Variants in CLOCK observed in about 807,000 individuals in gnomAD.
CLOCK encodes the protein clock circadian regulator.
In CLOCK, 43 loss-of-function variants were observed where a neutral mutation model predicts 118.4. The ratio of observed to expected loss-of-function variants is 0.36; its 90% CI spans 0.28 to 0.47. The LOEUF is 0.47. Among genes scored for constraint, CLOCK ranks in the 20% least tolerant of loss-of-function variants. The pLI is 1.00. For missense variants in CLOCK, 846 were observed against 999.9 expected, an observed-to-expected ratio of 0.85 and a Z score of 2.08; for synonymous variants, 326 against 339.2, an observed-to-expected ratio of 0.96 and a Z score of 0.43.
At chr4:55,465,815 G>T (rs1295550459) in intron 8 of CLOCK, among the ~76,000 whole-genome samples, 1 of 152,068 alleles carries the variant, frequency 6.6e-6, no homozygotes, top group Non-Finnish European at 1.5e-5. Flanking sequence ...AGCTGGGCAT[G>T]GTGGTGTGCA....
chr4:55,450,346 G>T (rs1724318756), intron 15 of CLOCK, 114 bp from the exon 16 acceptor site: 3 of 1,121,002 alleles, frequency 2.7e-6, no homozygotes, highest in Non-Finnish European at 4.0e-6. Context: ...CAAGGCAAAA[G>T]TACCTGTATG....
intron 7 of CLOCK, among the ~76,000 whole-genome samples, chr4:55,475,242 A>C (rs1726428107): frequency 6.6e-6 from 1 of 152,192 alleles, no homozygotes; most frequent in African/African-American, 2.4e-5. Flanking sequence ...AAACGGCAAG[A>C]GAATTAGAAT....
At chr4:55,541,609 T>C (rs1283524011) in intron 1 of CLOCK, among the ~76,000 whole-genome samples, 7 of 152,110 alleles carry the variant, frequency 4.6e-5, no homozygotes, top group East Asian at 1.9e-4. Context: ...TGCTTCAAGA[T>C]TGAGATAAGA....
At chr4:55,491,574 A>C (rs1026795504) in intron 2 of CLOCK, among the ~76,000 whole-genome samples, 1 of 152,092 alleles carries the variant, frequency 6.6e-6, no homozygotes, top group Non-Finnish European at 1.5e-5. Flanking sequence ...GATAACCTAG[A>C]AAAAATGGAT....
intron 1 of CLOCK, among the ~76,000 whole-genome samples, chr4:55,534,953 C>A (rs1469499367): frequency 1.5e-5 from 2 of 136,818 alleles, no homozygotes; most frequent in African/African-American, 2.7e-5. Flanking sequence ...TTTTTTGAGA[C>A]AGTCTTGCTC....
chr4:55,448,599 CGCGTGT>C (rs1469360704), intron 18 of CLOCK, among the ~76,000 whole-genome samples, 174 bp downstream of exon 18: 3,829 of 105,526 alleles, frequency 0.036, 68 homozygotes, highest in African/African-American at 0.054. Flanking sequence ...CGCGCACGCG[CGCGTGT>C]GTGTGTGTGT....
intron 13 of CLOCK, among the ~76,000 whole-genome samples, chr4:55,455,034 T>C (rs1724817733): frequency 6.6e-6 from 1 of 152,138 alleles, no homozygotes; most frequent in South Asian, 2.1e-4. Context: ...AAATTTTCCA[T>C]AGAGTTAATG....
At chr4:55,493,910 G>A (rs1000927151) in intron 2 of CLOCK, among the ~76,000 whole-genome samples, 2 of 152,190 alleles carry the variant, frequency 1.3e-5, no homozygotes, top group African/African-American at 2.4e-5. Flanking sequence ...ATGTCAAGAT[G>A]TAAGATATTC....
chr4:55,463,775 A>C lies in CLOCK; in HGVS notation c.469T>G (p.Phe157Val). Reference sequence around the variant, plus strand: ...TCTGAATGTTCCCCTTCTGGGATAAAATTAAATATACTTTGATCCACAAGA... The same window carrying C: ...TCTGAATGTTCCCCTTCTGGGATAACATTAAATATACTTTGATCCACAAGA... ...SDLVDQSIFN[F>V]IPEGEHSEVY... The change falls in exon 9 of 23, where the codon TTT (phenylalanine) becomes GTT (valine). Residue 157 changes from phenylalanine to valine, a missense_variant. Coordinates refer to ENST00000513440, the MANE Select transcript of CLOCK (RefSeq NM_004898.4). 1 of 1,611,656 alleles carries C rather than the reference A, an allele frequency of 6.2e-7. No homozygotes were observed. Among genetic ancestry groups the C allele is most frequent in the Non-Finnish European group, 8.5e-7 (1 of 1,178,308 alleles).
At chr4:55,444,960 C>T (rs1002171840) in intron 18 of CLOCK, among the ~76,000 whole-genome samples, 175 bp from the exon 19 acceptor site, 5 of 152,100 alleles carry the variant, frequency 3.3e-5, no homozygotes, top group Non-Finnish European at 7.3e-5. Flanking sequence ...AATATTGGAC[C>T]TGGACCTTCA....
At chr4:55,442,761 T>C in intron 20 of CLOCK, 127 bp from the exon 21 acceptor site, 5 of 834,254 alleles carry the variant, frequency 6.0e-6, no homozygotes, top group Admixed American at 4.1e-5. Context: ...TATATTACTC[T>C]GGGGGAAATA....
At chr4:55,539,834 G>C (rs1386371416) in intron 1 of CLOCK, among the ~76,000 whole-genome samples, 1 of 151,916 alleles carries the variant, frequency 6.6e-6, no homozygotes, top group African/African-American at 2.4e-5. Context: ...AAAATATGTT[G>C]ATGATTCACT....
intron 2 of CLOCK, among the ~76,000 whole-genome samples, chr4:55,497,731 G>C (rs1023718357): frequency 5.3e-5 from 8 of 152,130 alleles, no homozygotes; most frequent in African/African-American, 1.9e-4. Context: ...CTATATGGTA[G>C]CAACAGGCTC....
At chr4:55,489,221 T>C (rs1472984599) in intron 3 of CLOCK, among the ~76,000 whole-genome samples, 153 bp downstream of exon 3, 2 of 152,234 alleles carry the variant, frequency 1.3e-5, no homozygotes, top group Admixed American at 6.5e-5. Context: ...TATCGGAACA[T>C]AGCTGGTACT....
At chr4:55,545,430 C>A (rs951079836) in intron 1 of CLOCK, 1 of 152,166 alleles carries the variant, frequency 6.6e-6, no homozygotes, top group African/African-American at 2.4e-5. Context: ...CAAATCAGAA[C>A]GCAATCTTCA....
chr4:55,473,243 CA>C (rs1219111421), intron 7 of CLOCK, among the ~76,000 whole-genome samples: 3 of 151,268 alleles, frequency 2.0e-5, no homozygotes, highest in African/African-American at 7.3e-5. Flanking sequence ...AAAAAGAAGA[CA>C]AGTGTTCCTC....
intron 8 of CLOCK, among the ~76,000 whole-genome samples, chr4:55,468,552 A>T (rs1208339409): frequency 6.6e-6 from 1 of 152,236 alleles, no homozygotes; most frequent in African/African-American, 2.4e-5. Context: ...CCAATATGAC[A>T]TTATCAGTTC....
intron 1 of CLOCK, among the ~76,000 whole-genome samples, chr4:55,521,302 C>CACA (rs1458630364): frequency 5.9e-5 from 9 of 152,066 alleles, no homozygotes; most frequent in Non-Finnish European, 2.9e-5. Context: ...CACTGCAACC[C>CACA]ACACCTCCTG....
At position 55,453,146 on chromosome 4, in the gene CLOCK, T is replaced by A. The variant is rs190468121; in HGVS notation, c.1131-17A>T. On this transcript the variant is annotated splice_polypyrimidine_tract_variant and intron_variant, in intron 14 of 22. Coordinates refer to ENST00000513440, the MANE Select transcript of CLOCK (RefSeq NM_004898.4). ...TCTGCATAACTACAAATGGAAAAAA[T>A]AATCAAATTTTAGTGTCTGGTCATT... 14 of 1,604,200 alleles carry A rather than the reference T, an allele frequency of 8.7e-6. No individual in the cohort carries two copies. Among genetic ancestry groups the A allele is most frequent in the East Asian group, 2.2e-5 (1 of 44,690 alleles).
Sources: gnomAD v4.1 joint callset for allele counts (sites outside exome capture counted in the v4.1 genomes callset) on GRCh38, gnomAD v4.1.1 for gene constraint, MANE v1.5 for transcripts, NCBI Gene and HGNC (gene_info 2026-07-23, HGNC 2026-07-21) for gene names.